Variants in FADS6 observed in about 807,000 individuals in gnomAD.
FADS6 encodes fatty acid desaturase domain family, member 6.
In FADS6, 28 loss-of-function variants were observed where a neutral mutation model predicts 31.7. The ratio of observed to expected loss-of-function variants is 0.88; its 90% CI spans 0.66 to 1.21. The LOEUF (loss-of-function observed/expected upper bound fraction) is 1.21. Among genes scored for constraint, FADS6 ranks in the 50% most tolerant of loss-of-function variants. The pLI is 0.00. For missense variants in FADS6, 494 were observed against 504.2 expected, an observed-to-expected ratio of 0.98 and a Z score of 0.19; for synonymous variants, 191 against 213.1, an observed-to-expected ratio of 0.90 and a Z score of 0.90.
chr17:74,883,207 C>A (rs923926394), intron 2 of FADS6, among the ~76,000 whole-genome samples: 1 of 152,186 alleles, frequency 6.6e-6, no homozygotes, highest in Non-Finnish European at 1.5e-5. Flanking sequence ...AAGGTGGGGG[C>A]GGTGCCCTGG....
At chr17:74,889,490 G>A (rs1289202765) in intron 2 of FADS6, among the ~76,000 whole-genome samples, 4 of 143,120 alleles carry the variant, frequency 2.8e-5, no homozygotes, top group Middle Eastern at 3.8e-3. Context: ...AGCACCCAAC[G>A]CCCCAACATA....
intron 2 of FADS6, among the ~76,000 whole-genome samples, chr17:74,891,664 G>A (rs917590753): frequency 6.6e-6 from 1 of 152,110 alleles, no homozygotes; most frequent in African/African-American, 2.4e-5. Flanking sequence ...GATAGTGCTA[G>A]GTGAGAAATG....
rs541703070 is a variant in FADS6, at chr17:74,879,209, G to T, written c.960+195C>A. ...GTGCCACCACACCCCGCTAATTTTT[G>T]AATTTTTTGTAGAGATGGGGTTTCA... On this transcript the variant is annotated intron_variant, in intron 5 of 5. Transcript: ENST00000612771. 1.2e-4 allele frequency: 81 copies of T among 669,786 alleles called. 1 individual carries two copies. In the South Asian group the frequency reaches 1.6e-3, roughly 13 times the overall value. The allele number at this position is 669,786 out of a possible 1,614,324, so 41.5% of individuals were successfully genotyped here. A position where few individuals can be genotyped will look rare whatever the true frequency, so the allele number is the denominator to read the frequency against.
At chr17:74,876,369 C>T (rs192025279), downstream of FADS6, among the ~76,000 whole-genome samples, 20 of 152,124 alleles carry the variant, frequency 1.3e-4, no homozygotes, top group African/African-American at 2.4e-5. Context: ...ACTGGGTCAA[C>T]TCAGCAATGT....
At chr17:74,893,309 C>A (rs1457774617) in intron 1 of FADS6, 43 bp downstream of exon 1, 6 of 1,486,626 alleles carry the variant, frequency 4.0e-6, no homozygotes, top group Middle Eastern at 4.8e-4. Flanking sequence ...ACCCCGCCCC[C>A]ACCCGCAGCC....
intron 2 of FADS6, among the ~76,000 whole-genome samples, chr17:74,887,466 C>T (rs568020106): frequency 2.0e-5 from 3 of 152,314 alleles, no homozygotes; most frequent in East Asian, 3.9e-4. Context: ...GCTTTCACTC[C>T]ACCCTGGTCA....
At chr17:74,888,191 T>G (rs2038650734) in intron 2 of FADS6, among the ~76,000 whole-genome samples, 1 of 149,290 alleles carries the variant, frequency 6.7e-6, no homozygotes, top group African/African-American at 2.5e-5. Flanking sequence ...CAATGTCCGT[T>G]TCCTTGGTTT....
downstream of FADS6, among the ~76,000 whole-genome samples, chr17:74,875,490 A>G (rs1055471393): frequency 6.6e-6 from 1 of 152,204 alleles, no homozygotes; most frequent in African/African-American, 2.4e-5. Flanking sequence ...ATGGAGCCTC[A>G]AAGCAATCGA....
Position 74,892,714 on chromosome 17 carries a change from G to A in FADS6, c.245-25C>T, listed in dbSNP as rs1264396290. ...CCTGCGTGGAGAGGAGGAAGAAGAC[G>A]GGTCTTTCTCTAGCTCTGGGTGATC... On this transcript the variant is annotated intron_variant, in intron 1 of 5. Transcript: ENST00000612771. The A allele has an allele frequency of 5.6e-6, 9 of 1,594,710 alleles. No individual in the cohort carries two copies. In the East Asian group the frequency reaches 1.6e-4, roughly 28 times the overall value.
chr17:74,875,942 G>A (rs551050239), downstream of FADS6, among the ~76,000 whole-genome samples: 1 of 152,222 alleles, frequency 6.6e-6, no homozygotes, highest in Non-Finnish European at 1.5e-5. Context: ...GGTGTGAGCA[G>A]GGTGAAGGGA....
intron 4 of FADS6, among the ~76,000 whole-genome samples, chr17:74,880,542 A>C (rs2038556619): frequency 6.6e-6 from 1 of 151,750 alleles, no homozygotes; most frequent in Admixed American, 6.6e-5. Context: ...TTTAATAGAG[A>C]CAGGGTTTTA....
At position 74,892,547 on chromosome 17, in the gene FADS6, C is replaced by G. The variant is rs1289419506; in HGVS notation, c.387G>C (p.Lys129Asn). 1 of 1,613,308 alleles carries G rather than the reference C, an allele frequency of 6.2e-7. No individual in the cohort carries two copies. The highest frequency in any genetic ancestry group is 1.3e-5 in the African/African-American group (1 of 75,046). ...GALTESKRWS[K>N]IWLLFFVEVC... Reference sequence around the variant, plus strand: ...CCTCCACAAAGAAAAGCAGCCAGATCTTGCTCCAGCGTTTGGACTCGGTGA... The same window carrying G: ...CCTCCACAAAGAAAAGCAGCCAGATGTTGCTCCAGCGTTTGGACTCGGTGA... The change falls in exon 2 of 6, where the codon AAG becomes AAC. Residue 129 changes from lysine (K) to asparagine (N), a missense_variant. This residue lies in a region of FADS6 where 454 missense variants were observed against 438.5 expected (regional missense o/e 1.04). Transcript: ENST00000612771.
In FADS6 at chr17:74,877,972, G is replaced by A. The variant is rs888649341; in HGVS notation, c.*359C>T. On this transcript the variant is annotated 3_prime_UTR_variant, in exon 6 of 6. Transcript: ENST00000612771. ...TGTGCCCCCTGCTATCTCCCAGGTG[G>A]CCCCTGCACAGGATCCCTCTTCACC... 75 of 1,018,076 alleles carry A rather than the reference G, an allele frequency of 7.4e-5. No homozygotes were observed. In the Middle Eastern group the frequency reaches 2.4e-3, roughly 32 times the overall value. The allele number at this position is 1,018,076 out of a possible 1,614,324, so 63.1% of individuals were successfully genotyped here. A position where few individuals can be genotyped will look rare whatever the true frequency, so the allele number is the denominator to read the frequency against.
intron 4 of FADS6, 23 bp downstream of exon 4, chr17:74,881,045 G>A (rs369222065): frequency 4.2e-5 from 67 of 1,602,136 alleles, no homozygotes; most frequent in South Asian, 1.9e-4. Context: ...GCTGCCCAGC[G>A]CCCCAGGTTG....
rs181228186 is a variant in FADS6 at position 74,878,541 on chromosome 17, C to T, written c.961-64G>A. 22 of 1,578,004 alleles carry T rather than the reference C, an allele frequency of 1.4e-5. No homozygotes were observed. The African/African-American group carries it at 2.8e-4, about 20-fold the overall frequency. ...GCTGTGGGCAGGCCCATCATCCCGTCAGGGGAGGGAGGGACATCATCTTCC... is the reference window on the plus strand; with the variant it reads ...GCTGTGGGCAGGCCCATCATCCCGTTAGGGGAGGGAGGGACATCATCTTCC... On this transcript the variant is annotated intron_variant, in intron 5 of 5. Transcript: ENST00000612771.
At chr17:74,881,308 C>A in intron 3 of FADS6, 53 bp from the exon 4 acceptor site, 1 of 1,505,738 alleles carries the variant, frequency 6.6e-7, no homozygotes, top group South Asian at 1.3e-5. Context: ...GAGGGGCTCC[C>A]TGCTGGCTCA....
chr17:74,881,384 A>G, intron 3 of FADS6, 129 bp from the exon 4 acceptor site: 1 of 856,558 alleles, frequency 1.2e-6, no homozygotes, highest in East Asian at 2.7e-5. Flanking sequence ...CCTGAAAAGC[A>G]GGGCACCCCA....
In FADS6 at chr17:74,893,616, C is replaced by G. The variant is rs985019074; in HGVS notation, c.-21G>C. 2 of 1,278,302 alleles carry G rather than the reference C, an allele frequency of 1.6e-6. No individual in the cohort carries two copies. The highest frequency in any genetic ancestry group is 2.7e-5 in the South Asian group (1 of 37,018). 79.2% of individuals were successfully genotyped at this position (1,278,302 alleles called of 1,614,324 possible). A position where few individuals can be genotyped will look rare whatever the true frequency, so the allele number is the denominator to read the frequency against. On this transcript the variant is annotated 5_prime_UTR_variant, in exon 1 of 6. Transcript: ENST00000612771. ...TCCATGGACTCTGTGGGCTCGGGCC[C>G]GACGCGCACGGAGGACTGGAGGACT... is the stretch of plus-strand genomic sequence containing the variant.
intron 3 of FADS6, among the ~76,000 whole-genome samples, chr17:74,881,851 A>C (rs1291653533): frequency 2.6e-5 from 4 of 151,434 alleles, no homozygotes; most frequent in African/African-American, 9.7e-5. Context: ...CTGCCCCATC[A>C]CCCCTGCCTC....
Sources: gnomAD v4.1 joint callset for allele counts (sites outside exome capture counted in the v4.1 genomes callset) on GRCh38, gnomAD v4.1.1 for gene constraint, gnomAD v4.1.1 regional missense constraint, MANE v1.5 for transcripts, NCBI Gene and HGNC (gene_info 2026-07-23, HGNC 2026-07-21) for gene names.